The following BLTP3B variants were observed in gnomAD, a reference collection of about 807,000 sequenced individuals.
The protein encoded by BLTP3B is UHRF1 (ICBP90) binding protein 1-like.
the BLTP3B span, among the ~76,000 whole-genome samples, chr12:100,121,724 G>A: frequency 1.7e-4 from 26 of 152,190 alleles, no homozygotes; most frequent in East Asian, 3.9e-3. Flanking sequence ...AGCTACTTGG[G>A]AAGCTGAGGC....
chr12:100,102,397 C>T, the BLTP3B span, among the ~76,000 whole-genome samples: 3 of 152,108 alleles, frequency 2.0e-5, no homozygotes, highest in African/African-American at 4.8e-5. Flanking sequence ...CAGGCATGAG[C>T]CACCGCTCCC....
chr12:100,066,455 A>G, the BLTP3B span, among the ~76,000 whole-genome samples: 1 of 152,132 alleles, frequency 6.6e-6, no homozygotes, highest in Non-Finnish European at 1.5e-5. Context: ...TGACAGCACT[A>G]GACAGGTCAT....
the BLTP3B span, among the ~76,000 whole-genome samples, chr12:100,126,618 A>T: frequency 5.3e-5 from 7 of 132,112 alleles, no homozygotes; most frequent in Non-Finnish European, 8.4e-5. Flanking sequence ...ATTTTTTATT[A>T]AAAAAAAAGC....
chr12:100,135,292 G>C, the BLTP3B span, among the ~76,000 whole-genome samples: 2 of 82,582 alleles, frequency 2.4e-5, no homozygotes, highest in Non-Finnish European at 4.4e-5. Flanking sequence ...TTTTTTTTTT[G>C]AGACAGGGTC....
At chr12:100,114,341 A>G in the BLTP3B span, among the ~76,000 whole-genome samples, 1 of 152,220 alleles carries the variant, frequency 6.6e-6, no homozygotes, top group Non-Finnish European at 1.5e-5. Flanking sequence ...TCAAACTTAT[A>G]AATTAATAAT....
the BLTP3B span, among the ~76,000 whole-genome samples, chr12:100,129,732 G>T: frequency 7.9e-5 from 12 of 152,012 alleles, no homozygotes; most frequent in Non-Finnish European, 1.0e-4. Flanking sequence ...ATTATGAAGA[G>T]ATACAGACAA....
At chr12:100,102,752 T>C in the BLTP3B span, 2 of 1,557,514 alleles carry the variant, frequency 1.3e-6, no homozygotes, top group Non-Finnish European at 1.7e-6. Flanking sequence ...TGCAGATTAA[T>C]GGAAGTAGCT....
At chr12:100,039,347 T>C in the BLTP3B span, among the ~76,000 whole-genome samples, 7 of 152,216 alleles carry the variant, frequency 4.6e-5, no homozygotes, top group African/African-American at 1.4e-4. Context: ...TATTAATTTT[T>C]TCAAATAAAA....
chr12:100,077,541 C>T, the BLTP3B span, among the ~76,000 whole-genome samples: 3 of 152,342 alleles, frequency 2.0e-5, no homozygotes, highest in South Asian at 2.1e-4. Context: ...GGCGGCATCA[C>T]TGGTCTTTAC....
the BLTP3B span, among the ~76,000 whole-genome samples, chr12:100,038,950 T>C: frequency 7.9e-5 from 12 of 152,308 alleles, no homozygotes; most frequent in East Asian, 2.1e-3. Context: ...TAGTATAGCA[T>C]CTGACACAGT....
At chr12:100,141,746 GC>G in the BLTP3B span, among the ~76,000 whole-genome samples, 1 of 152,150 alleles carries the variant, frequency 6.6e-6, no homozygotes, top group Non-Finnish European at 1.5e-5. Flanking sequence ...CCTACATTTA[GC>G]CTGTGTCTTG....
At chr12:100,068,440 G>A in the BLTP3B span, among the ~76,000 whole-genome samples, 3 of 152,144 alleles carry the variant, frequency 2.0e-5, no homozygotes, top group Non-Finnish European at 2.9e-5. Context: ...TGGCTTACAC[G>A]AGGATTTCAT....
chr12:100,138,847 A>C, the BLTP3B span, among the ~76,000 whole-genome samples: 1 of 147,642 alleles, frequency 6.8e-6, no homozygotes, highest in Middle Eastern at 3.4e-3. Flanking sequence ...AGGTGTGTAC[A>C]TGTGTATACA....
chr12:100,103,976 A>G, the BLTP3B span: 30 of 1,568,704 alleles, frequency 1.9e-5, no homozygotes, highest in Non-Finnish European at 2.5e-5. Context: ...TTTTTAATTT[A>G]AGATCAATCA....
the BLTP3B span, among the ~76,000 whole-genome samples, chr12:100,046,038 G>A: frequency 1.3e-5 from 2 of 152,126 alleles, no homozygotes; most frequent in South Asian, 2.1e-4. Flanking sequence ...ACCATCTCAC[G>A]TCAGTTAGAA....
At chr12:100,073,011 C>G in the BLTP3B span, among the ~76,000 whole-genome samples, 2 of 152,192 alleles carry the variant, frequency 1.3e-5, no homozygotes, top group Non-Finnish European at 2.9e-5. Flanking sequence ...ACTCTATAAT[C>G]TTTTTGGATC....
the BLTP3B span, among the ~76,000 whole-genome samples, chr12:100,137,240 T>C: frequency 6.6e-6 from 1 of 152,186 alleles, no homozygotes; most frequent in East Asian, 1.9e-4. Flanking sequence ...TCCACCTAGA[T>C]AGCATTCCCA....
the BLTP3B span, chr12:100,058,170 G>A: frequency 6.2e-7 from 1 of 1,613,158 alleles, no homozygotes; most frequent in Non-Finnish European, 8.5e-7. Context: ...TCCTTTACTA[G>A]TTAAAGTACT....
At chr12:100,097,646 T>G in the BLTP3B span, 1 of 934,976 alleles carries the variant, frequency 1.1e-6, no homozygotes, top group African/African-American at 1.7e-5. Flanking sequence ...GTTTTTATTT[T>G]TGTAAATTGC....
Sources: allele counts gnomAD v4.1 joint callset (sites outside exome capture counted in the v4.1 genomes callset), GRCh38; gene constraint gnomAD v4.1.1; transcripts MANE v1.5; gene names NCBI Gene and HGNC (gene_info 2026-07-23, HGNC 2026-07-21).